Variants in SEMA3E observed in about 807,000 individuals in gnomAD.
SEMA3E encodes semaphorin-3E.
In SEMA3E, 49 loss-of-function variants were observed where a neutral mutation model predicts 93.6. That is an observed-to-expected ratio of 0.52 (90% confidence interval 0.42 to 0.66). The LOEUF is 0.66. SEMA3E is among the 30% of genes least tolerant of loss of function. The pLI is 0.00. For synonymous variants in SEMA3E, 363 were observed against 330.7 expected (o/e 1.10, Z -1.06); for missense variants, 906 against 964.8 (o/e 0.94, Z 0.81).
At chr7:83,479,484 C>T (rs1339864427) in intron 2 of SEMA3E, among the ~76,000 whole-genome samples, 2 of 152,090 alleles carry the variant, frequency 1.3e-5, no homozygotes, top group African/African-American at 4.8e-5. Context: ...TAAGTAACAC[C>T]TAAAAATATG....
intron 1 of SEMA3E, among the ~76,000 whole-genome samples, chr7:83,554,365 A>G (rs1791838179): frequency 6.6e-6 from 1 of 152,212 alleles, no homozygotes; most frequent in Non-Finnish European, 1.5e-5. Context: ...AGAAAAGTTG[A>G]AACCAAATGA....
chr7:83,589,975 C>T (rs17455900), intron 1 of SEMA3E, among the ~76,000 whole-genome samples: 34,116 of 152,120 alleles, frequency 0.22, 3,903 homozygotes, highest in Middle Eastern at 0.3. Flanking sequence ...ATGGCTTCCT[C>T]AGATCAATAT....
At chr7:83,523,654 A>G (rs1327542287) in intron 1 of SEMA3E, among the ~76,000 whole-genome samples, 2 of 151,864 alleles carry the variant, frequency 1.3e-5, no homozygotes, top group African/African-American at 4.8e-5. Flanking sequence ...CTGGCCAATC[A>G]CCCTGTCTCC....
chr7:83,365,621 AG>A lies in SEMA3E; in HGVS notation c.*1964del, dbSNP rs1475984831. ...TCAGTTACCAAATATTTAGTTTACA[AG>A]TTACACCATTGTTATCATCATTAAC... On this transcript the variant is annotated 3_prime_UTR_variant, in exon 17 of 17. Transcript: ENST00000643230. 2.0e-5 allele frequency: 3 copies of A among 152,188 alleles called. No individual in the cohort carries two copies. The highest frequency in any genetic ancestry group is 4.4e-5 in the Non-Finnish European group (3 of 68,020). The allele number at this position is 152,188 out of a possible 1,614,324, so 9.4% of individuals were successfully genotyped here.
At position 83,592,215 on chromosome 7, in the gene SEMA3E, C is replaced by CT. The variant is rs540735851; in HGVS notation, c.115+56212dup. On this transcript the variant is annotated intron_variant, in intron 1 of 16. Transcript: ENST00000643230. ...ATATAAAATAATGAAATTCGGACATCTTTTTTTGCTGTGAGAATTACTATT... is the reference window on the plus strand; with the variant it reads ...ATATAAAATAATGAAATTCGGACATCTTTTTTTTGCTGTGAGAATTACTATT... Among the ~76,000 whole-genome samples the CT allele has an allele frequency of 4.6e-5, 7 of 151,956 alleles. No individual in the cohort carries two copies. The South Asian group carries it at 1.2e-3, about 27-fold the overall frequency.
chr7:83,397,428 T>A (rs1788143055), intron 11 of SEMA3E, among the ~76,000 whole-genome samples: 1 of 152,078 alleles, frequency 6.6e-6, no homozygotes, highest in African/African-American at 2.4e-5. Context: ...ATACCTTTAG[T>A]CTTAGGGAAT....
At chr7:83,604,187 A>G (rs1793055917) in intron 1 of SEMA3E, among the ~76,000 whole-genome samples, 1 of 151,830 alleles carries the variant, frequency 6.6e-6, no homozygotes, top group Admixed American at 6.6e-5. Flanking sequence ...GAGGACAGAG[A>G]AATTTTACTC....
chr7:83,612,438 T>A (rs143527393), intron 1 of SEMA3E: 1 of 152,010 alleles, frequency 6.6e-6, no homozygotes, highest in African/African-American at 2.4e-5. Context: ...CTTAAATAAA[T>A]CCAAAGATCA....
At chr7:83,507,206 T>C (rs1790720382) in intron 1 of SEMA3E, among the ~76,000 whole-genome samples, 1 of 152,070 alleles carries the variant, frequency 6.6e-6, no homozygotes, top group Admixed American at 6.6e-5. Flanking sequence ...TCTGGCAAGG[T>C]CACTACCCCT....
intron 1 of SEMA3E, among the ~76,000 whole-genome samples, chr7:83,567,178 T>C (rs943076282): frequency 2.0e-5 from 3 of 152,140 alleles, no homozygotes; most frequent in Non-Finnish European, 2.9e-5. Context: ...AGCCATTATA[T>C]AGTGACAAAG....
chr7:83,476,980 A>T (rs912232640), intron 2 of SEMA3E, among the ~76,000 whole-genome samples: 1 of 152,152 alleles, frequency 6.6e-6, no homozygotes, highest in Non-Finnish European at 1.5e-5. Context: ...CAACGGAGAA[A>T]AATAAAATAA....
intron 1 of SEMA3E, among the ~76,000 whole-genome samples, chr7:83,525,476 C>A (rs1476971814): frequency 6.6e-6 from 1 of 151,996 alleles, no homozygotes; most frequent in Non-Finnish European, 1.5e-5. Flanking sequence ...TTTTCTCTTT[C>A]TGCAATGCTT....
chr7:83,620,939 C>G (rs886543024), intron 1 of SEMA3E, among the ~76,000 whole-genome samples: 1 of 152,086 alleles, frequency 6.6e-6, no homozygotes, highest in Non-Finnish European at 1.5e-5. Flanking sequence ...CAGCACAAGG[C>G]AAGAATGCCT....
chr7:83,402,822 G>A, intron 9 of SEMA3E, 46 bp from the exon 10 acceptor site: 1 of 1,570,930 alleles, frequency 6.4e-7, no homozygotes, highest in Non-Finnish European at 8.7e-7. Context: ...ACTAACTGCA[G>A]GTCATCTAGC....
chr7:83,594,512 A>G (rs968113757), intron 1 of SEMA3E, among the ~76,000 whole-genome samples: 3 of 152,138 alleles, frequency 2.0e-5, no homozygotes, highest in Non-Finnish European at 2.9e-5. Context: ...CCAGATTGCC[A>G]AAATAATTAT....
chr7:83,572,252 G>A (rs1040972356), intron 1 of SEMA3E, among the ~76,000 whole-genome samples: 1 of 151,916 alleles, frequency 6.6e-6, no homozygotes, highest in Non-Finnish European at 1.5e-5. Context: ...ACCAAAAAAA[G>A]TGTATGAGTA....
intron 1 of SEMA3E, among the ~76,000 whole-genome samples, chr7:83,533,499 G>A: frequency 6.6e-6 from 1 of 152,068 alleles, no homozygotes; most frequent in East Asian, 1.9e-4. Flanking sequence ...AGCCAAGATT[G>A]TGCCATTGCA....
chr7:83,598,008 G>T (rs772984500), intron 1 of SEMA3E, among the ~76,000 whole-genome samples: 1 of 152,200 alleles, frequency 6.6e-6, no homozygotes, highest in Non-Finnish European at 1.5e-5. Context: ...AAAAGGAAGA[G>T]AAATATTTCG....
Position 83,487,336 on chromosome 7 carries a change from A to G in SEMA3E, c.276+2778T>C, listed in dbSNP as rs567214593. 3.3e-4 allele frequency among the ~76,000 whole-genome samples: 51 copies of G among 152,286 alleles called. 2 individuals are homozygous for G. Among genetic ancestry groups the G allele is most frequent in the Admixed American group, 2.9e-3 (45 of 15,276 alleles). On this transcript the variant is annotated intron_variant, in intron 2 of 16. Transcript: ENST00000643230. ...GGATTCCAGGGAACCACTCCATAAG[A>G]GTCACATAATATTTTGGTCCAAGGA...
Sources: gnomAD v4.1 joint callset for allele counts (sites outside exome capture counted in the v4.1 genomes callset) on GRCh38, gnomAD v4.1.1 for gene constraint, MANE v1.5 for transcripts, NCBI Gene and HGNC (gene_info 2026-07-23, HGNC 2026-07-21) for gene names.